Variants in JAK2 observed in about 807,000 individuals in gnomAD.
The protein encoded by JAK2 is Janus kinase 2.
In JAK2, 86 loss-of-function variants were observed where a neutral mutation model predicts 139.3. The ratio of observed to expected loss-of-function variants is 0.62; its 90% CI spans 0.52 to 0.74. JAK2 has a LOEUF of 0.74. Among genes scored for constraint, JAK2 ranks in the 30% least tolerant of loss-of-function variants. The pLI, the probability that JAK2 is intolerant of heterozygous loss-of-function variation, is 0.00. For synonymous variants in JAK2, 490 were observed against 437.7 expected, an observed-to-expected ratio of 1.12 and a Z score of -1.49; for missense variants, 1,421 against 1,360.3, an observed-to-expected ratio of 1.04 and a Z score of -0.70.
intron 18 of JAK2, among the ~76,000 whole-genome samples, chr9:5,081,051 A>G (rs1418622715): frequency 2.0e-5 from 3 of 151,334 alleles, no homozygotes; most frequent in Non-Finnish European, 4.4e-5. Context: ...GCCCGCCACC[A>G]CACCCGGCTA....
rs1209940832 is a variant in JAK2 at position 4,986,026 on chromosome 9, G to A, written c.-26+4G>A. 6.6e-6 allele frequency: 1 copy of A among 152,658 alleles called. No homozygotes were observed. Among genetic ancestry groups the A allele is most frequent in the Non-Finnish European group, 1.5e-5 (1 of 68,152 alleles). The allele number at this position is 152,658 out of a possible 1,614,324, so 9.5% of individuals were successfully genotyped here. A position where few individuals can be genotyped will look rare whatever the true frequency, so the allele number is the denominator to read the frequency against. On this transcript the variant is annotated splice_donor_region_variant and intron_variant, in intron 2 of 24. Transcript: ENST00000381652. ...TCTTCCTCCTCCTCCCGCGACGGTG[G>A]GTGTGCTGTCCTTTATCGCTGCAGT... is the stretch of plus-strand genomic sequence containing the variant.
intron 19 of JAK2, chr9:5,086,133 C>G: frequency 2.6e-6 from 1 of 390,512 alleles, no homozygotes; most frequent in South Asian, 3.1e-5. Flanking sequence ...CGCGCGGCCC[C>G]GGCGGCCCCG....
At chr9:5,042,446 C>G (rs980595547) in intron 4 of JAK2, among the ~76,000 whole-genome samples, 3 of 152,070 alleles carry the variant, frequency 2.0e-5, no homozygotes, top group Non-Finnish European at 2.9e-5. Context: ...CAAGACTGGC[C>G]AAAATTTCTA....
chr9:5,110,941 G>A lies in JAK2; in HGVS notation c.3060-12063G>A, dbSNP rs1586816260. Reference sequence around the variant, plus strand: ...GAACCAGCCGCAGAGGATGGCATCCGTGGACACGGACAAGGAGCTCAGTAA... The same window carrying A: ...GAACCAGCCGCAGAGGATGGCATCCATGGACACGGACAAGGAGCTCAGTAA... On this transcript the variant is annotated intron_variant, in intron 22 of 24. Coordinates refer to ENST00000381652, the MANE Select transcript of JAK2 (RefSeq NM_004972.4). 1.4e-5 allele frequency: 8 copies of A among 584,322 alleles called. No individual in the cohort carries two copies. The East Asian group carries it at 1.7e-4, about 12-fold the overall frequency. The allele number at this position is 584,322 out of a possible 1,614,324, so 36.2% of individuals were successfully genotyped here.
At chr9:5,017,479 A>T (rs533584240) in intron 2 of JAK2, among the ~76,000 whole-genome samples, 1 of 152,130 alleles carries the variant, frequency 6.6e-6, no homozygotes, top group African/African-American at 2.4e-5. Flanking sequence ...TATAGTTTCT[A>T]TGTCATTTAT....
At chr9:5,084,917 C>A (rs1000533733) in intron 19 of JAK2, 2 of 521,860 alleles carry the variant, frequency 3.8e-6, no homozygotes, top group African/African-American at 2.0e-5. Context: ...GTTATCTGCA[C>A]ATGAAGCAAA....
At chr9:4,989,837 A>G (rs1441304869) in intron 2 of JAK2, among the ~76,000 whole-genome samples, 2 of 152,186 alleles carry the variant, frequency 1.3e-5, no homozygotes, top group Non-Finnish European at 2.9e-5. Flanking sequence ...GAGTAGTAAG[A>G]AATTGTGTTA....
chr9:5,097,845 T>TA (rs1435833784), intron 22 of JAK2: 1 of 152,238 alleles, frequency 6.6e-6, no homozygotes, highest in African/African-American at 2.4e-5. Context: ...GCTTTACCAC[T>TA]GGTTCCCCCA....
intron 4 of JAK2, chr9:5,041,125 GCT>G (rs1159116294): frequency 1.1e-6 from 1 of 902,298 alleles, no homozygotes; most frequent in African/African-American, 1.6e-5. Context: ...CCAAGACGGT[GCT>G]CCTGATCGCC....
Position 5,016,783 on chromosome 9 carries a change from A to G in JAK2, c.-25-5180A>G, listed in dbSNP as rs559462165. 1.1e-4 allele frequency among the ~76,000 whole-genome samples: 17 copies of G among 152,262 alleles called. No individual in the cohort carries two copies. The South Asian group carries it at 3.5e-3, about 32-fold the overall frequency. Reference sequence around the variant, plus strand: ...TCCCAACCCTGCCAAGCTAACCATTATCCTAACTTTTTTTCACCATGAGAA... The same window carrying G: ...TCCCAACCCTGCCAAGCTAACCATTGTCCTAACTTTTTTTCACCATGAGAA... On this transcript the variant is annotated intron_variant, in intron 2 of 24. Transcript: ENST00000381652.
intron 2 of JAK2, among the ~76,000 whole-genome samples, chr9:5,021,373 G>A (rs1423576315): frequency 6.6e-6 from 1 of 152,160 alleles, no homozygotes; most frequent in African/African-American, 2.4e-5. Context: ...TCTGTTGTCT[G>A]TAACTGAGTT....
intron 14 of JAK2, among the ~76,000 whole-genome samples, 196 bp from the exon 15 acceptor site, chr9:5,077,257 A>G (rs1400611695): frequency 1.3e-5 from 2 of 150,374 alleles, no homozygotes; most frequent in African/African-American, 2.4e-5. Flanking sequence ...TTAGACTCCT[A>G]CTCTTGCTGT....
chr9:5,113,583 TC>T (rs1350173687), intron 22 of JAK2: 1 of 158,192 alleles, frequency 6.3e-6, no homozygotes, highest in Non-Finnish European at 1.4e-5. Context: ...TTCCCCTTGA[TC>T]CCCTGCTGCA....
chr9:5,036,433 A>C (rs1823606611), intron 4 of JAK2, among the ~76,000 whole-genome samples: 1 of 152,156 alleles, frequency 6.6e-6, no homozygotes, highest in Admixed American at 6.5e-5. Context: ...ATCCTAAGCC[A>C]AAAGAACAAA....
chr9:5,103,304 A>C (rs568458162), intron 22 of JAK2, among the ~76,000 whole-genome samples: 9 of 151,054 alleles, frequency 6.0e-5, no homozygotes, highest in African/African-American at 2.0e-4. Context: ...TAAGCCAACA[A>C]AGATCAAAAG....
rs376608371 is a variant in JAK2, at chr9:5,080,627, A to G, written c.2378A>G (p.Asp793Gly). The G allele has an allele frequency of 2.5e-6, 4 of 1,607,546 alleles. No individual in the cohort carries two copies. The highest frequency in any genetic ancestry group is 3.4e-6 in the Non-Finnish European group (4 of 1,178,384). Reference protein sequence around the residue: ...LINNCMDYEPDFRPSFRAIIR... With the variant: ...LINNCMDYEPGFRPSFRAIIR... Reference sequence around the variant, plus strand: ...AATAATTGTATGGATTATGAACCAGATTTCAGGCCTTCTTTCAGAGCCATC... The same window carrying G: ...AATAATTGTATGGATTATGAACCAGGTTTCAGGCCTTCTTTCAGAGCCATC... Residue 793 changes from aspartate to glycine, a missense_variant, in exon 18 of 25, where the codon GAT becomes GGT. Asp to Gly is a moderately conservative substitution (Grantham distance 94). Coordinates refer to ENST00000381652, the MANE Select transcript of JAK2 (RefSeq NM_004972.4).
intron 14 of JAK2, among the ~76,000 whole-genome samples, chr9:5,074,659 A>G (rs1033312535): frequency 6.6e-6 from 1 of 152,216 alleles, no homozygotes; most frequent in Non-Finnish European, 1.5e-5. Flanking sequence ...TCCCTGAGAC[A>G]ACAATATTAA....
At chr9:5,056,245 A>G (rs1817754392) in intron 8 of JAK2, among the ~76,000 whole-genome samples, 1 of 152,260 alleles carries the variant, frequency 6.6e-6, no homozygotes, top group East Asian at 1.9e-4. Context: ...GCTGTAGGAC[A>G]TGGTTGATTC....
chr9:5,041,716 A>G, intron 4 of JAK2: 1 of 501,688 alleles, frequency 2.0e-6, no homozygotes, highest in South Asian at 1.5e-5. Context: ...TCTGAGTACG[A>G]GGGGCTCGGG....
Sources: allele counts gnomAD v4.1 joint callset (sites outside exome capture counted in the v4.1 genomes callset), GRCh38; gene constraint gnomAD v4.1.1; transcripts MANE v1.5; gene names NCBI Gene and HGNC (gene_info 2026-07-23, HGNC 2026-07-21).